The following FHIP2A variants were observed in gnomAD, a reference collection of about 807,000 sequenced individuals.
FHIP2A encodes the protein family with sequence similarity 160 member B1.
FHIP2A carries 46 observed loss-of-function variants against 93.5 expected under a neutral mutation model. That is an observed-to-expected ratio of 0.49 (90% CI 0.39 to 0.63). The LOEUF is 0.63. Among genes scored for constraint, FHIP2A ranks in the 20% least tolerant of loss-of-function variants. FHIP2A has a pLI of 0.00. For missense variants in FHIP2A, 769 were observed against 909.7 expected (o/e 0.85, Z 1.99); for synonymous variants, 332 against 326.5 (o/e 1.02, Z -0.18).
chr10:114,890,023 T>C (rs1160365215), intron 16 of FHIP2A, among the ~76,000 whole-genome samples: 1 of 150,904 alleles, frequency 6.6e-6, no homozygotes, highest in Non-Finnish European at 1.5e-5. Context: ...TGATTGTCTA[T>C]ATATTTTCTT....
At chr10:114,857,349 C>T (rs1229573351) in intron 14 of FHIP2A, among the ~76,000 whole-genome samples, 1 of 129,442 alleles carries the variant, frequency 7.7e-6, no homozygotes, top group East Asian at 2.0e-4. Flanking sequence ...CTCGCTCTGT[C>T]ACCCAGGCTG....
At chr10:114,824,448 A>C (rs1225083521) in intron 1 of FHIP2A, among the ~76,000 whole-genome samples, 1 of 152,218 alleles carries the variant, frequency 6.6e-6, no homozygotes, top group Non-Finnish European at 1.5e-5. Flanking sequence ...GTGTTCACCT[A>C]GTCCTGAAAT....
intron 16 of FHIP2A, among the ~76,000 whole-genome samples, chr10:114,894,472 G>A (rs2083990839): frequency 6.6e-6 from 1 of 152,160 alleles, no homozygotes; most frequent in Non-Finnish European, 1.5e-5. Flanking sequence ...GGAGGCTGAG[G>A]TGGGAGAATC....
chr10:114,822,037 T>G lies in FHIP2A; in HGVS notation c.-42T>G. On this transcript the variant is annotated 5_prime_UTR_variant, in exon 1 of 17. Transcript: ENST00000369248. Reference sequence around the variant, plus strand: ...GCGGCGGCGGCGGATCGAGGAGCTCTCCAGGTCGTCCCGGGAGAGGCTGCT... The same window carrying G: ...GCGGCGGCGGCGGATCGAGGAGCTCGCCAGGTCGTCCCGGGAGAGGCTGCT... The G allele has an allele frequency of 8.0e-7, 1 of 1,250,048 alleles. No individual in the cohort carries two copies. The highest frequency in any genetic ancestry group is 2.2e-4 in the Middle Eastern group (1 of 4,502). 77.4% of individuals were successfully genotyped at this position (1,250,048 alleles called of 1,614,324 possible). A position where few individuals can be genotyped will look rare whatever the true frequency, so the allele number is the denominator to read the frequency against.
At chr10:114,896,106 G>A (rs1281377959) in intron 16 of FHIP2A, among the ~76,000 whole-genome samples, 1 of 152,076 alleles carries the variant, frequency 6.6e-6, no homozygotes, top group African/African-American at 2.4e-5. Context: ...AGTTACCAAG[G>A]GGGAAATTGA....
At chr10:114,837,140 G>C (rs1000425671) in intron 5 of FHIP2A, among the ~76,000 whole-genome samples, 3 of 152,172 alleles carry the variant, frequency 2.0e-5, no homozygotes, top group African/African-American at 7.2e-5. Flanking sequence ...CTGAGCTCAA[G>C]TGATCCTCCT....
chr10:114,870,848 G>A (rs896967967), intron 16 of FHIP2A, among the ~76,000 whole-genome samples: 4 of 151,994 alleles, frequency 2.6e-5, no homozygotes, highest in African/African-American at 4.8e-5. Flanking sequence ...AGGCTAGGAC[G>A]CTACAAACTA....
chr10:114,891,918 G>C (rs1332177239), intron 16 of FHIP2A, among the ~76,000 whole-genome samples: 1 of 151,950 alleles, frequency 6.6e-6, no homozygotes, highest in South Asian at 2.1e-4. Flanking sequence ...ACCCAGCCAA[G>C]GGTGAATATA....
At chr10:114,852,802 A>G (rs1232681749) in intron 13 of FHIP2A, among the ~76,000 whole-genome samples, 1 of 152,176 alleles carries the variant, frequency 6.6e-6, no homozygotes, top group Non-Finnish European at 1.5e-5. Flanking sequence ...TTTCGGATCA[A>G]TTTTCCAGCC....
downstream of FHIP2A, among the ~76,000 whole-genome samples, chr10:114,868,882 C>T (rs1394301382): frequency 6.6e-6 from 1 of 152,160 alleles, no homozygotes; most frequent in Non-Finnish European, 1.5e-5. Context: ...AAGCCAGGAA[C>T]ATGACCTGGG....
chr10:114,825,121 G>A (rs1001626567), intron 1 of FHIP2A, among the ~76,000 whole-genome samples: 2 of 152,254 alleles, frequency 1.3e-5, no homozygotes, highest in East Asian at 1.9e-4. Flanking sequence ...GGGCTCAAAC[G>A]ATTCTCCTGC....
chr10:114,860,954 C>G, intron 15 of FHIP2A, 65 bp downstream of exon 15: 1 of 1,439,670 alleles, frequency 6.9e-7, no homozygotes, highest in African/African-American at 1.4e-5. Context: ...ATGTTAATAT[C>G]ATTGTATGCA....
intron 16 of FHIP2A, among the ~76,000 whole-genome samples, chr10:114,893,332 C>G (rs17092563): frequency 0.1 from 15,680 of 152,170 alleles, 2,284 homozygotes; most frequent in African/African-American, 0.33. Context: ...ACCATTATAA[C>G]CAGGTTTTAA....
At chr10:114,876,092 C>A (rs1051459439) in intron 16 of FHIP2A, among the ~76,000 whole-genome samples, 4 of 152,094 alleles carry the variant, frequency 2.6e-5, no homozygotes, top group Non-Finnish European at 5.9e-5. Flanking sequence ...AGACCCGGGG[C>A]CCCCACCCTC....
At position 114,857,258 on chromosome 10, in the gene FHIP2A, C is replaced by T. The variant is rs932525526; in HGVS notation, c.1947+1918C>T. Among the ~76,000 whole-genome samples, 8 of 150,598 alleles carry T rather than the reference C, an allele frequency of 5.3e-5. No homozygotes were observed. The South Asian group carries it at 1.1e-3, about 20-fold the overall frequency. ...TACTTTCTTTCCTAAACATTTTTGCCGGAAGTGATACTTGCTTGTAGTTTC... is the reference window on the plus strand; with the variant it reads ...TACTTTCTTTCCTAAACATTTTTGCTGGAAGTGATACTTGCTTGTAGTTTC... On this transcript the variant is annotated intron_variant, in intron 14 of 16. Coordinates refer to ENST00000369248, the MANE Select transcript of FHIP2A (RefSeq NM_020940.4).
intron 8 of FHIP2A, 43 bp downstream of exon 8, chr10:114,845,524 A>G (rs952841255): frequency 6.7e-6 from 8 of 1,197,922 alleles, no homozygotes; most frequent in Non-Finnish European, 8.5e-6. Flanking sequence ...TAAGATATAA[A>G]TATCTATTAA....
intron 16 of FHIP2A, among the ~76,000 whole-genome samples, chr10:114,871,990 G>A (rs1053014470): frequency 6.6e-6 from 1 of 152,180 alleles, no homozygotes; most frequent in Non-Finnish European, 1.5e-5. Flanking sequence ...AGTAAGTCCA[G>A]ACTCTGATAA....
intron 16 of FHIP2A, among the ~76,000 whole-genome samples, chr10:114,894,978 G>A (rs2083993851): frequency 6.6e-6 from 1 of 152,200 alleles, no homozygotes; most frequent in Non-Finnish European, 1.5e-5. Flanking sequence ...AATGCAGAAG[G>A]ATACACTGTA....
At chr10:114,881,242 C>T (rs905025171) in intron 16 of FHIP2A, among the ~76,000 whole-genome samples, 4 of 152,174 alleles carry the variant, frequency 2.6e-5, no homozygotes, top group Admixed American at 1.3e-4. Context: ...TTTACAGAAG[C>T]TTCTCAACAA....
Sources: allele counts gnomAD v4.1 joint callset (sites outside exome capture counted in the v4.1 genomes callset), GRCh38; gene constraint gnomAD v4.1.1; transcripts MANE v1.5; gene names NCBI Gene and HGNC (gene_info 2026-07-23, HGNC 2026-07-21).